Variants in PTGFRN observed in about 807,000 individuals in gnomAD.
PTGFRN encodes prostaglandin F2 receptor inhibitor.
In PTGFRN, 35 loss-of-function variants were observed where a neutral mutation model predicts 83.2. The ratio of observed to expected loss-of-function variants is 0.42; its 90% CI spans 0.32 to 0.56. The LOEUF (loss-of-function observed/expected upper bound fraction) is 0.56, where lower values mean the gene tolerates loss of function less well. PTGFRN is among the 20% of genes least tolerant of loss of function. PTGFRN has a pLI of 0.11. For synonymous variants in PTGFRN, 519 were observed against 498.6 expected, an observed-to-expected ratio of 1.04 and a Z score of -0.55; for missense variants, 1,051 against 1,179.5, an observed-to-expected ratio of 0.89 and a Z score of 1.60.
chr1:116,986,408 A>T (rs566857682), intron 8 of PTGFRN, among the ~76,000 whole-genome samples: 2 of 152,270 alleles, frequency 1.3e-5, no homozygotes, highest in African/African-American at 4.8e-5. Context: ...CCCTTAGTAC[A>T]CTTCAGTTAT....
At chr1:116,924,307 C>T (rs1048954962) in intron 1 of PTGFRN, among the ~76,000 whole-genome samples, 5 of 110,438 alleles carry the variant, frequency 4.5e-5, no homozygotes, top group Admixed American at 7.9e-5. Flanking sequence ...CCACCACACC[C>T]GGCTAATTTT....
intron 4 of PTGFRN, among the ~76,000 whole-genome samples, chr1:116,950,918 G>A (rs909451714): frequency 1.2e-4 from 19 of 152,148 alleles, no homozygotes; most frequent in Admixed American, 1.2e-3. Context: ...CTGGAACAAT[G>A]TTGGCCCAGC....
At chr1:116,959,477 A>G (rs1650585571) in intron 4 of PTGFRN, among the ~76,000 whole-genome samples, 3 of 152,340 alleles carry the variant, frequency 2.0e-5, no homozygotes, top group South Asian at 4.1e-4. Context: ...ATGATGTTAT[A>G]AATTCCATTA....
At chr1:116,983,837 C>G (rs986325317) in intron 7 of PTGFRN, among the ~76,000 whole-genome samples, 1 of 152,154 alleles carries the variant, frequency 6.6e-6, no homozygotes, top group African/African-American at 2.4e-5. Flanking sequence ...TCTTTTGTTG[C>G]TGGATGAATC....
At chr1:116,939,716 A>G (rs1300348846) in intron 1 of PTGFRN, among the ~76,000 whole-genome samples, 2 of 152,172 alleles carry the variant, frequency 1.3e-5, no homozygotes, top group African/African-American at 4.8e-5. Flanking sequence ...CTTTTCTATT[A>G]CATTGTCAGG....
At chr1:116,970,716 A>T (rs917242051) in intron 6 of PTGFRN, among the ~76,000 whole-genome samples, 1 of 152,326 alleles carries the variant, frequency 6.6e-6, no homozygotes, top group African/African-American at 2.4e-5. Flanking sequence ...CAAATTCAGC[A>T]CCCAGAACAA....
At chr1:116,959,482 C>T (rs1293175777) in intron 4 of PTGFRN, among the ~76,000 whole-genome samples, 3 of 152,130 alleles carry the variant, frequency 2.0e-5, no homozygotes, top group Non-Finnish European at 4.4e-5. Flanking sequence ...GTTATAAATT[C>T]CATTAGAAGT....
chr1:116,974,779 C>T (rs1293461879), intron 7 of PTGFRN, among the ~76,000 whole-genome samples: 3 of 152,208 alleles, frequency 2.0e-5, no homozygotes, highest in Non-Finnish European at 4.4e-5. Flanking sequence ...CAGCTCCAGT[C>T]TACAGCTCCC....
chr1:116,929,534 A>G (rs935795936), intron 1 of PTGFRN, among the ~76,000 whole-genome samples: 2 of 152,134 alleles, frequency 1.3e-5, no homozygotes, highest in Non-Finnish European at 2.9e-5. Flanking sequence ...TTAAACACCC[A>G]AGCTTGCTCC....
chr1:116,981,090 G>T (rs745491541), intron 7 of PTGFRN, among the ~76,000 whole-genome samples: 2 of 152,138 alleles, frequency 1.3e-5, no homozygotes, highest in African/African-American at 2.4e-5. Flanking sequence ...CCTAAGAGTT[G>T]TGGGACCCAT....
In PTGFRN at chr1:116,942,026, A is replaced by G; in HGVS notation, c.361A>G (p.Thr121Ala). ...PSDQGHYKCS[T>A]PSTDATVQGN... is the part of the protein sequence containing the mutation. ...AGACCAAGGCCACTACAAATGTTCAACCCCCAGCACAGATGCCACTGTCCA... is the reference window on the plus strand; with the variant it reads ...AGACCAAGGCCACTACAAATGTTCAGCCCCCAGCACAGATGCCACTGTCCA... The change falls in exon 2 of 9, where the codon ACC (threonine) becomes GCC (alanine). Residue 121 changes from threonine (T) to alanine (A), a missense_variant. Coordinates refer to ENST00000393203, the MANE Select transcript of PTGFRN (RefSeq NM_020440.4). 6.2e-7 allele frequency: 1 copy of G among 1,614,114 alleles called. No homozygotes were observed. The highest frequency in any genetic ancestry group is 8.5e-7 in the Non-Finnish European group (1 of 1,180,024).
chr1:116,954,505 A>G (rs192730517), intron 4 of PTGFRN, among the ~76,000 whole-genome samples: 2 of 152,382 alleles, frequency 1.3e-5, no homozygotes, highest in Admixed American at 6.5e-5. Context: ...TAACTGGTGC[A>G]TGCAGCCATT....
At chr1:116,962,815 A>G (rs970011663) in intron 5 of PTGFRN, among the ~76,000 whole-genome samples, 1 of 152,208 alleles carries the variant, frequency 6.6e-6, no homozygotes, top group Admixed American at 6.5e-5. Context: ...TGTTAATCCT[A>G]CCACCTGACA....
intron 4 of PTGFRN, among the ~76,000 whole-genome samples, chr1:116,955,938 A>G (rs1482518479): frequency 6.6e-6 from 1 of 152,204 alleles, no homozygotes; most frequent in Non-Finnish European, 1.5e-5. Context: ...GGAGTGTGAC[A>G]TGTGAGTTCA....
In PTGFRN at chr1:116,949,412, G is replaced by T; in HGVS notation, c.1053G>T (p.Val351=). 1 of 1,614,244 alleles carries T rather than the reference G, an allele frequency of 6.2e-7. No individual in the cohort carries two copies. Among genetic ancestry groups the T allele is most frequent in the Non-Finnish European group, 8.5e-7 (1 of 1,180,038 alleles). ...HSSPHVALSH[V]DARSYHLLVR... ...CGCCTCATGTTGCTTTGAGTCATGTGGATGCACGCTCCTACCATTTACTGG... is the reference window on the plus strand; with the variant it reads ...CGCCTCATGTTGCTTTGAGTCATGTTGATGCACGCTCCTACCATTTACTGG... Residue 351 remains valine (V), a synonymous_variant, in exon 4 of 9, where the codon GTG becomes GTT. Coordinates refer to ENST00000393203, the MANE Select transcript of PTGFRN (RefSeq NM_020440.4).
In PTGFRN at chr1:116,984,745, C is replaced by T; in HGVS notation, c.2233C>T (p.Leu745Phe). 1 of 1,614,144 alleles carries T rather than the reference C, an allele frequency of 6.2e-7. No homozygotes were observed. The highest frequency in any genetic ancestry group is 1.1e-5 in the South Asian group (1 of 91,088). ...TTTTGGCCTGGACAAGGCTCCTGTG[C>T]TCCTGTCTTCCCTGGATCGGAAGGG... ...HSFGLDKAPVLLSSLDRKGIV... is the reference protein window; with the variant it reads ...HSFGLDKAPVFLSSLDRKGIV... The change falls in exon 8 of 9, where the codon CTC becomes TTC. Residue 745 changes from leucine (L) to phenylalanine (F), a missense_variant. Coordinates refer to ENST00000393203, the MANE Select transcript of PTGFRN (RefSeq NM_020440.4).
chr1:116,956,753 C>T (rs934321680), intron 4 of PTGFRN, among the ~76,000 whole-genome samples: 1 of 152,170 alleles, frequency 6.6e-6, no homozygotes, highest in African/African-American at 2.4e-5. Flanking sequence ...CCCAAGCAGT[C>T]ATGTCAGTCA....
chr1:116,963,253 T>C (rs1169761791), intron 5 of PTGFRN, among the ~76,000 whole-genome samples: 3 of 152,222 alleles, frequency 2.0e-5, no homozygotes, highest in African/African-American at 7.2e-5. Context: ...TTAGTCTGTT[T>C]ATTTCCCCAC....
chr1:116,941,922 G>A lies in PTGFRN; in HGVS notation c.257G>A (p.Arg86Gln), dbSNP rs1364753328. 4.3e-6 allele frequency: 7 copies of A among 1,614,052 alleles called. No homozygotes were observed. Among genetic ancestry groups the A allele is most frequent in the Non-Finnish European group, 5.9e-6 (7 of 1,180,038 alleles). ...TTCCCAGCCCAGCTGTACCAGGAGC[G>A]GCTGCAGAGGGGCGAGATCCTGTTA... ...VGFPAQLYQE[R>Q]LQRGEILLRR... The change falls in exon 2 of 9, where the codon CGG (arginine) becomes CAG (glutamine). Residue 86 changes from arginine to glutamine, a missense_variant. Coordinates refer to ENST00000393203, the MANE Select transcript of PTGFRN (RefSeq NM_020440.4). The surrounding 1 kb of genome is among the most constrained non-coding windows in gnomAD (Gnocchi z 5.0).
Sources: gnomAD v4.1 joint callset for allele counts (sites outside exome capture counted in the v4.1 genomes callset) on GRCh38, gnomAD v4.1.1 for gene constraint, Gnocchi (gnomAD v3.1) non-coding constraint, MANE v1.5 for transcripts, NCBI Gene and HGNC (gene_info 2026-07-23, HGNC 2026-07-21) for gene names.